Variants in SPTBN5 observed in about 807,000 individuals in gnomAD.
SPTBN5 encodes the protein spectrin beta chain, non-erythrocytic 5.
Under a neutral mutation model 477.6 loss-of-function variants are expected in SPTBN5, and 513 were observed. That is an observed-to-expected ratio of 1.07 (90% CI 1.00 to 1.16). The LOEUF (loss-of-function observed/expected upper bound fraction) is 1.16. SPTBN5 is among the 50% of genes most tolerant of loss of function. SPTBN5 has a pLI of 0.00. For synonymous variants in SPTBN5, 2,169 were observed against 2,011.7 expected (o/e 1.08, Z -2.09); for missense variants, 5,062 against 4,731.8 (o/e 1.07, Z -2.05).
intron 32 of SPTBN5, 128 bp downstream of exon 32, chr15:41,869,713 C>A: frequency 2.0e-6 from 2 of 1,015,544 alleles, no homozygotes; most frequent in Non-Finnish European, 2.6e-6. Flanking sequence ...CCCGTGTGCT[C>A]GTGCTCTCCC....
chr15:41,883,330 T>A lies in SPTBN5; in HGVS notation c.1659+18A>T, dbSNP rs1172651749. 6.2e-7 allele frequency: 1 copy of A among 1,611,920 alleles called. No homozygotes were observed. Among genetic ancestry groups the A allele is most frequent in the Admixed American group, 1.7e-5 (1 of 59,942 alleles). ...CACCTTGCTGTGTTTCCCAAGGGCC[T>A]GCTGGTCCAGTGCCCACCTGCAGCT... On this transcript the variant is annotated intron_variant, in intron 8 of 67. Coordinates refer to ENST00000320955, the MANE Select transcript of SPTBN5 (RefSeq NM_016642.4).
chr15:41,888,902 C>T (rs913751299), intron 4 of SPTBN5, among the ~76,000 whole-genome samples: 4 of 152,216 alleles, frequency 2.6e-5, no homozygotes, highest in Non-Finnish European at 5.9e-5. Context: ...TGGGCCCCAG[C>T]GAGGTCAGGC....
In SPTBN5 at chr15:41,854,105, C is replaced by T; in HGVS notation, c.9719G>A (p.Gly3240Glu). ...EKTALMKGED[G>E]GHSLSSVRTL... ...CCGCACAGATGACAGGCTGTGGCCT[C>T]CGTCCTCCCCCTTCATCAGGGCCGT... Residue 3240 changes from glycine to glutamate, a missense_variant, in exon 57 of 68, where the codon GGA becomes GAA. Transcript: ENST00000320955. 7 of 1,584,776 alleles carry T rather than the reference C, an allele frequency of 4.4e-6. No individual in the cohort carries two copies. The highest frequency in any genetic ancestry group is 6.0e-6 in the Non-Finnish European group (7 of 1,166,614).
chr15:41,887,142 G>C (rs980291406), intron 6 of SPTBN5, 71 bp downstream of exon 6: 1 of 1,396,116 alleles, frequency 7.2e-7, no homozygotes, highest in Admixed American at 2.0e-5. Flanking sequence ...GTACGTGGCA[G>C]GGCAGGCTTC....
At chr15:41,850,649 T>G (rs2065721611) in intron 66 of SPTBN5, 1 of 580,224 alleles carries the variant, frequency 1.7e-6, no homozygotes, top group Non-Finnish European at 3.0e-6. Flanking sequence ...TGGCCCCATC[T>G]CTGCTAATTA....
Position 41,855,385 on chromosome 15 carries a change from CGTGGG to C in SPTBN5, c.9257_9261del (p.Ala3086GlyfsTer61). 6.2e-7 allele frequency: 1 copy of C among 1,604,610 alleles called. No homozygotes were observed. The highest frequency in any genetic ancestry group is 1.1e-5 in the South Asian group (1 of 91,022). ...GCCTCCGCCCTCCGCAGCAGCTCTG[CGTGGG>C]CCTCCCGAACTGCCTGCAGCTGGGC... On this transcript the variant is annotated frameshift_variant, in exon 55 of 68. Coordinates refer to ENST00000320955, the MANE Select transcript of SPTBN5 (RefSeq NM_016642.4). LOFTEE classifies it high-confidence loss of function.
At position 41,881,031 on chromosome 15, in the gene SPTBN5, T is replaced by C. The variant is rs2066932783; in HGVS notation, c.2658+3A>G. 3.2e-6 allele frequency: 5 copies of C among 1,564,040 alleles called. No homozygotes were observed. In the South Asian group the frequency reaches 3.5e-5, roughly 11 times the overall value. ...CGAGCATTTCTTGAAAAAGAAGTGT[T>C]ACCTGTGCCAGGGCCCGCAGACTCT... is the stretch of plus-strand genomic sequence containing the variant. On this transcript the variant is annotated splice_donor_region_variant and intron_variant, in intron 13 of 67. Coordinates refer to ENST00000320955, the MANE Select transcript of SPTBN5 (RefSeq NM_016642.4).
rs2065725352 is a variant in SPTBN5 at position 41,850,762 on chromosome 15, A to G, written c.10921+92T>C. 7 of 1,123,892 alleles carry G rather than the reference A, an allele frequency of 6.2e-6. No individual in the cohort carries two copies. The South Asian group carries it at 9.5e-5, about 15-fold the overall frequency. The allele number at this position is 1,123,892 out of a possible 1,614,324, so 69.6% of individuals were successfully genotyped here. A position where few individuals can be genotyped will look rare whatever the true frequency, so the allele number is the denominator to read the frequency against. On this transcript the variant is annotated intron_variant, in intron 66 of 67. Transcript: ENST00000320955. ...TGGAGGTTAGAGATGCTAACTGTGA[A>G]ACCTCCCTAGGATGCATAAAACACT...
At position 41,861,839 on chromosome 15, in the gene SPTBN5, A is replaced by G. The variant is rs1004117929; in HGVS notation, c.7633T>C (p.Ser2545Pro). Reference protein sequence around the residue: ...QLLTAGHPFSSDIRQVLAGLE... With the variant: ...QLLTAGHPFSPDIRQVLAGLE... ...CCAGCCAGCACCTGGCGAATGTCGG[A>G]GCTGAAGGGGTGCCCCGCTGTGAGC... The change falls in exon 45 of 68, where the codon TCC becomes CCC. Residue 2545 changes from serine (S) to proline (P), a missense_variant. Ser to Pro is a moderately conservative substitution (Grantham distance 74). Transcript: ENST00000320955. 1.2e-6 allele frequency: 2 copies of G among 1,606,504 alleles called. No individual in the cohort carries two copies. The highest frequency in any genetic ancestry group is 1.7e-6 in the Non-Finnish European group (2 of 1,179,060).
chr15:41,860,471 G>T, intron 47 of SPTBN5, 115 bp downstream of exon 47: 1 of 1,192,946 alleles, frequency 8.4e-7, no homozygotes, highest in Non-Finnish European at 1.1e-6. Context: ...CTCAGTCCTT[G>T]GACAAGGCTG....
Position 41,874,932 on chromosome 15 carries a change from A to G in SPTBN5, c.4412T>C (p.Leu1471Pro). Reference protein sequence around the residue: ...HQQLESESRTLAAKMAALASM... With the variant: ...HQQLESESRTPAAKMAALASM... ...GGCGAGGGCAGCCATCTTGGCAGCC[A>G]GGGTCCGGCTCTCACTCTCCAGCTG... Residue 1471 changes from leucine (L) to proline (P), a missense_variant, in exon 23 of 68, where the codon CTG (leucine) becomes CCG (proline). Leu to Pro is a moderately conservative substitution (Grantham distance 98, BLOSUM62 -3). Coordinates refer to ENST00000320955, the MANE Select transcript of SPTBN5 (RefSeq NM_016642.4). 2 of 1,613,470 alleles carry G rather than the reference A, an allele frequency of 1.2e-6. No individual in the cohort carries two copies. The highest frequency in any genetic ancestry group is 4.5e-5 in the East Asian group (2 of 44,876).
At position 41,858,760 on chromosome 15, in the gene SPTBN5, G is replaced by A. The variant is rs2066002321; in HGVS notation, c.8080-12C>T. On this transcript the variant is annotated splice_polypyrimidine_tract_variant and intron_variant, in intron 48 of 67. Coordinates refer to ENST00000320955, the MANE Select transcript of SPTBN5 (RefSeq NM_016642.4). Reference sequence around the variant, plus strand: ...AGCCACGCAGCCACCTGGGCACATGGGGAGGACAGGCCTGCTGTCCAGGGC... The same window carrying A: ...AGCCACGCAGCCACCTGGGCACATGAGGAGGACAGGCCTGCTGTCCAGGGC... 3 of 1,607,612 alleles carry A rather than the reference G, an allele frequency of 1.9e-6. No homozygotes were observed. The highest frequency in any genetic ancestry group is 1.1e-5 in the South Asian group (1 of 89,750).
At chr15:41,882,770 G>T (rs113340831) in intron 9 of SPTBN5, 32 bp from the exon 10 acceptor site, 1 of 1,597,056 alleles carries the variant, frequency 6.3e-7, no homozygotes, top group African/African-American at 1.3e-5. Context: ...CGAAGGACAT[G>T]GGGAGTCGTG....
At position 41,848,292 on chromosome 15, in the gene SPTBN5, C is replaced by T. The variant is rs549547188; in HGVS notation, c.*324G>A. Reference sequence around the variant, plus strand: ...ATTCTCTGCACACGTCTGCGTCTACCTGTGCTCAGAGTCACCCCTTCCAAG... The same window carrying T: ...ATTCTCTGCACACGTCTGCGTCTACTTGTGCTCAGAGTCACCCCTTCCAAG... On this transcript the variant is annotated 3_prime_UTR_variant, in exon 68 of 68. Transcript: ENST00000320955. 1.7e-5 allele frequency: 9 copies of T among 524,954 alleles called. No homozygotes were observed. Among genetic ancestry groups the T allele is most frequent in the Admixed American group, 1.6e-4 (5 of 31,146 alleles). The allele number at this position is 524,954 out of a possible 1,614,324, so 32.5% of individuals were successfully genotyped here. A position where few individuals can be genotyped will look rare whatever the true frequency, so the allele number is the denominator to read the frequency against.
intron 58 of SPTBN5, 59 bp from the exon 59 acceptor site, chr15:41,853,506 TC>T (rs2065841118): frequency 4.6e-6 from 7 of 1,532,738 alleles, no homozygotes; most frequent in Non-Finnish European, 6.2e-6. Flanking sequence ...GGAGGGAGGG[TC>T]CAGCTCCCCC....
chr15:41,882,229 C>CGGGG, intron 11 of SPTBN5, 40 bp downstream of exon 11: 2 of 1,263,844 alleles, frequency 1.6e-6, no homozygotes, highest in African/African-American at 1.6e-5. Flanking sequence ...CCCGCCTCGC[C>CGGGG]GGGCCCCGCC....
In SPTBN5 at chr15:41,870,269, G is replaced by T; in HGVS notation, c.5647C>A (p.Arg1883=). 1 of 1,551,826 alleles carries T rather than the reference G, an allele frequency of 6.4e-7. No individual in the cohort carries two copies. The highest frequency in any genetic ancestry group is 8.7e-7 in the Non-Finnish European group (1 of 1,147,960). The change falls in exon 31 of 68, where the codon CGA becomes AGA. Residue 1883 remains arginine, a synonymous_variant. Transcript: ENST00000320955. ...TGCCGCTCGGTGCCCACGAGTTCTC[G>T]CTCCAGCCCCTGGTGGCTTCTCAGC... ...AQLRSHQGLE[R]ELVGTERQLQ...
intron 65 of SPTBN5, 29 bp downstream of exon 65, chr15:41,851,030 G>T: frequency 6.2e-7 from 1 of 1,603,138 alleles, no homozygotes; most frequent in Non-Finnish European, 8.5e-7. Context: ...TGCTGGGGGT[G>T]ATGCCGGAGT....
In SPTBN5 at chr15:41,856,466, T is replaced by C; in HGVS notation, c.8941A>G (p.Met2981Val). The C allele has an allele frequency of 6.3e-7, 1 of 1,597,738 alleles. No individual in the cohort carries two copies. Among genetic ancestry groups the C allele is most frequent in the Non-Finnish European group, 8.5e-7 (1 of 1,173,482 alleles). The change falls in exon 53 of 68, where the codon ATG (methionine) becomes GTG (valine). Residue 2981 changes from methionine to valine, a missense_variant. Physicochemically the swap from Met to Val is conservative, Grantham distance 21. Coordinates refer to ENST00000320955, the MANE Select transcript of SPTBN5 (RefSeq NM_016642.4). ...GCCGCCTCTGCCCGCAGGTGGGCCA[T>C]GGCCTTCTCCAGCTGCTGCACCCGG... is the stretch of plus-strand genomic sequence containing the variant. ...AARVQQLEKA[M>V]AHLRAEAARR... is the part of the protein sequence containing the mutation.
Sources: allele counts gnomAD v4.1 joint callset (sites outside exome capture counted in the v4.1 genomes callset), GRCh38; gene constraint gnomAD v4.1.1; transcripts MANE v1.5; gene names NCBI Gene and HGNC (gene_info 2026-07-23, HGNC 2026-07-21).